CENPP: variants seen among roughly 807,000 people sequenced by gnomAD.
CENPP encodes centromere protein P.
CENPP carries 24 observed loss-of-function variants against 35.6 expected under a neutral mutation model. The ratio of observed to expected loss-of-function variants is 0.67; its 90% CI spans 0.49 to 0.95. The LOEUF is 0.95. Ranked by LOEUF, CENPP falls within the 40% of genes least tolerant of loss-of-function variation. CENPP has a pLI of 0.00. For missense variants in CENPP, 332 were observed against 345.3 expected (o/e 0.96, Z 0.31); for synonymous variants, 120 against 125.5 (o/e 0.96, Z 0.29).
At chr9:92,572,207 G>A (rs976731106) in intron 5 of CENPP, among the ~76,000 whole-genome samples, 1 of 152,138 alleles carries the variant, frequency 6.6e-6, no homozygotes, top group Non-Finnish European at 1.5e-5. Context: ...AATTTGGCAC[G>A]TTTTTGCAGT....
At chr9:92,461,747 A>G (rs1411871880) in intron 5 of CENPP, among the ~76,000 whole-genome samples, 1 of 152,188 alleles carries the variant, frequency 6.6e-6, no homozygotes, top group Non-Finnish European at 1.5e-5. Context: ...TGATGGATTT[A>G]TTAGCTGGAA....
At chr9:92,598,957 A>C in intron 5 of CENPP, among the ~76,000 whole-genome samples, 1 of 151,934 alleles carries the variant, frequency 6.6e-6, no homozygotes, top group Non-Finnish European at 1.5e-5. Context: ...AAAATTAGCC[A>C]GGCATTGTGG....
rs553079479 is a variant in CENPP, at chr9:92,391,585, C to T, written c.564+11726C>T. Reference sequence around the variant, plus strand: ...CTGCACTTCAGCCTGGGCAACAGAGCGAGACCCTGTCTCAAACAAAAAAAC... The same window carrying T: ...CTGCACTTCAGCCTGGGCAACAGAGTGAGACCCTGTCTCAAACAAAAAAAC... On this transcript the variant is annotated intron_variant, in intron 5 of 7. Coordinates refer to ENST00000375587, the MANE Select transcript of CENPP (RefSeq NM_001012267.3). Among the ~76,000 whole-genome samples the T allele has an allele frequency of 1.4e-4, 21 of 152,022 alleles. No individual in the cohort carries two copies. In the East Asian group the frequency reaches 1.7e-3, roughly 13 times the overall value.
At chr9:92,390,951 C>T (rs1842652469) in intron 5 of CENPP, among the ~76,000 whole-genome samples, 1 of 152,108 alleles carries the variant, frequency 6.6e-6, no homozygotes, top group Admixed American at 6.6e-5. Context: ...ACTTCAGCAC[C>T]ATGTGTTGGG....
At chr9:92,478,584 C>G (rs1177362779) in intron 5 of CENPP, among the ~76,000 whole-genome samples, 2 of 152,012 alleles carry the variant, frequency 1.3e-5, no homozygotes, top group Non-Finnish European at 2.9e-5. Flanking sequence ...CTTCAAGTAG[C>G]TGGGATTACA....
At chr9:92,522,566 T>C (rs1211026743) in intron 5 of CENPP, 3 of 1,596,180 alleles carry the variant, frequency 1.9e-6, no homozygotes, top group Admixed American at 3.4e-5. Context: ...TCTCATAGTG[T>C]TCTCTTACCT....
chr9:92,442,621 A>G (rs1242789001), intron 5 of CENPP, among the ~76,000 whole-genome samples: 2 of 151,966 alleles, frequency 1.3e-5, no homozygotes, highest in Non-Finnish European at 2.9e-5. Context: ...AAGCCGAGGC[A>G]GGTGGATCAC....
intron 5 of CENPP, chr9:92,385,879 G>T: frequency 1.7e-6 from 2 of 1,198,792 alleles, no homozygotes; most frequent in Non-Finnish European, 2.4e-6. Flanking sequence ...TAAGTCAGAG[G>T]TCTGAGTGCC....
chr9:92,389,818 C>CTATATCATA lies in CENPP; in HGVS notation c.564+9960_564+9961insATATCATAT, dbSNP rs1490186366. ...TTCTCTTTTATCTATCATATCATCA[C>CTATATCATA]TCATACTATGCTTAGTTTTACTATA... On this transcript the variant is annotated intron_variant, in intron 5 of 7. Transcript: ENST00000375587. The CTATATCATA allele has an allele frequency of 2.2e-5, 31 of 1,392,874 alleles. No individual in the cohort carries two copies. In the African/African-American group the frequency reaches 3.9e-4, roughly 17 times the overall value. 86.3% of individuals were successfully genotyped at this position (1,392,874 alleles called of 1,614,324 possible). A position where few individuals can be genotyped will look rare whatever the true frequency, so the allele number is the denominator to read the frequency against.
At chr9:92,465,752 A>G (rs1300277883) in intron 5 of CENPP, among the ~76,000 whole-genome samples, 2 of 152,182 alleles carry the variant, frequency 1.3e-5, no homozygotes, top group East Asian at 3.8e-4. Context: ...CATTAAAAAT[A>G]CTACCTTTAA....
Position 92,415,245 on chromosome 9 carries a change from T to A in CENPP, c.564+35386T>A, listed in dbSNP as rs546200406. On this transcript the variant is annotated intron_variant, in intron 5 of 7. Transcript: ENST00000375587. ...GAGCATTGTCAGGATCATCGTGATC[T>A]TCACTTTCATCATCATCATCTGGAA... 5.6e-6 allele frequency: 9 copies of A among 1,613,804 alleles called. No homozygotes were observed. In the South Asian group the frequency reaches 9.9e-5, roughly 18 times the overall value.
chr9:92,505,985 G>A (rs775402237), intron 5 of CENPP, among the ~76,000 whole-genome samples: 3 of 152,146 alleles, frequency 2.0e-5, no homozygotes, highest in African/African-American at 7.2e-5. Context: ...AAGAGAGGGA[G>A]GGAGATAGGA....
chr9:92,375,617 C>T (rs1842108227), intron 4 of CENPP, among the ~76,000 whole-genome samples: 1 of 152,130 alleles, frequency 6.6e-6, no homozygotes, highest in South Asian at 2.1e-4. Flanking sequence ...TTCTTATGCC[C>T]ACTCAAATCT....
At chr9:92,569,849 A>C (rs1850089595) in intron 5 of CENPP, among the ~76,000 whole-genome samples, 1 of 152,246 alleles carries the variant, frequency 6.6e-6, no homozygotes, top group South Asian at 2.1e-4. Flanking sequence ...GCAATTGTGA[A>C]TGGGAGTTCA....
At chr9:92,505,521 AT>A (rs754066635) in intron 5 of CENPP, 24 of 1,576,370 alleles carry the variant, frequency 1.5e-5, no homozygotes, top group Non-Finnish European at 2.1e-5. Context: ...CACTAAAAAA[AT>A]ATATTGTTAC....
intron 5 of CENPP, among the ~76,000 whole-genome samples, chr9:92,488,728 A>G (rs557850994): frequency 1.3e-5 from 2 of 152,252 alleles, no homozygotes; most frequent in African/African-American, 4.8e-5. Flanking sequence ...ATTACAACTT[A>G]TAAAAAGATT....
At chr9:92,528,355 T>G (rs556828352) in intron 5 of CENPP, among the ~76,000 whole-genome samples, 4 of 152,148 alleles carry the variant, frequency 2.6e-5, no homozygotes, top group Non-Finnish European at 5.9e-5. Flanking sequence ...GTTGAAAAGA[T>G]ACAGCTGGAA....
chr9:92,379,611 G>A (rs1459215798), intron 4 of CENPP, 152 bp from the exon 5 acceptor site: 1 of 572,384 alleles, frequency 1.7e-6, no homozygotes. Context: ...CATACCAGAG[G>A]AACACACACA....
intron 5 of CENPP, among the ~76,000 whole-genome samples, chr9:92,565,088 C>T (rs1849932760): frequency 6.6e-6 from 1 of 151,886 alleles, no homozygotes; most frequent in African/African-American, 2.4e-5. Context: ...GAGTAGGCAG[C>T]ACCAGGAATC....
Sources: gnomAD v4.1 joint callset for allele counts (sites outside exome capture counted in the v4.1 genomes callset) on GRCh38, gnomAD v4.1.1 for gene constraint, MANE v1.5 for transcripts, NCBI Gene and HGNC (gene_info 2026-07-23, HGNC 2026-07-21) for gene names.